ADGRG1: variants seen among roughly 807,000 people sequenced by gnomAD.
ADGRG1 encodes 7-transmembrane protein with no EGF-like N-terminal domains-1.
A neutral mutation model predicts 73.5 loss-of-function variants in ADGRG1; 53 were observed. The ratio of observed to expected loss-of-function variants is 0.72; its 90% CI spans 0.58 to 0.91. ADGRG1 has a LOEUF of 0.91. Among genes scored for constraint, ADGRG1 ranks in the 40% least tolerant of loss-of-function variants. The pLI is 0.00. For synonymous variants in ADGRG1, 394 were observed against 374.4 expected (o/e 1.05, Z -0.60); for missense variants, 795 against 871.8 (o/e 0.91, Z 1.11).
At chr16:57,646,566 C>A (rs1237510980) in intron 1 of ADGRG1, 8 of 985,314 alleles carry the variant, frequency 8.1e-6, no homozygotes, top group East Asian at 1.1e-4. Context: ...TCAGCCCCAG[C>A]ACCCTCTATC....
At chr16:57,632,723 T>TGCTTGGCA in intron 1 of ADGRG1, 3 of 940,846 alleles carry the variant, frequency 3.2e-6, no homozygotes, top group Non-Finnish European at 3.8e-6. Flanking sequence ...TCAGGCAGTT[T>TGCTTGGCA]GTGGTATGCT....
At chr16:57,641,430 C>G in intron 1 of ADGRG1, 1 of 980,328 alleles carries the variant, frequency 1.0e-6, no homozygotes, top group Non-Finnish European at 1.2e-6. Flanking sequence ...GCTGAACAGG[C>G]CTGGCACCAG....
intron 1 of ADGRG1, chr16:57,646,643 G>C (rs1465700195): frequency 2.0e-6 from 2 of 985,334 alleles, no homozygotes; most frequent in East Asian, 2.3e-4. Context: ...TAAAGCCGGG[G>C]AGTTGGGAAG....
In ADGRG1 at chr16:57,631,051, G is replaced by C. The variant is rs1198142035; in HGVS notation, c.-36+2249G>C. On this transcript the variant is annotated intron_variant, in intron 1 of 13. Transcript: ENST00000562631. ...CCCAGGCTGCAAACCCAGCAGGACG[G>C]GGAGGGCCAGGATGGGTGTTCAGTG... The C allele has an allele frequency of 5.1e-6, 5 of 985,768 alleles. No individual in the cohort carries two copies. In the African/African-American group the frequency reaches 8.7e-5, roughly 17 times the overall value. 61.1% of individuals were successfully genotyped at this position (985,768 alleles called of 1,614,324 possible). A position where few individuals can be genotyped will look rare whatever the true frequency, so the allele number is the denominator to read the frequency against.
chr16:57,657,247 T>G, intron 9 of ADGRG1, 126 bp from the exon 10 acceptor site: 6 of 1,372,028 alleles, frequency 4.4e-6, no homozygotes, highest in Non-Finnish European at 6.1e-6. Flanking sequence ...TTCTGCTCAG[T>G]TGGGAGAGGG....
chr16:57,629,799 G>A (rs761880242), intron 1 of ADGRG1, among the ~76,000 whole-genome samples: 7 of 152,124 alleles, frequency 4.6e-5, no homozygotes, highest in Non-Finnish European at 1.0e-4. Flanking sequence ...TGGTCCCCGC[G>A]GGGGCTGGGA....
chr16:57,652,163 G>A (rs1482404965), intron 3 of ADGRG1: 48 of 1,005,714 alleles, frequency 4.8e-5, no homozygotes, highest in Admixed American at 5.1e-5. Flanking sequence ...AGAGGTCAAA[G>A]GTCAGGAAAG....
chr16:57,629,698 C>T (rs76881270), intron 1 of ADGRG1, among the ~76,000 whole-genome samples: 2,664 of 152,244 alleles, frequency 0.017, 72 homozygotes, highest in African/African-American at 0.06. Context: ...GACAGGCAGA[C>T]GGGGAAGCGC....
chr16:57,636,481 G>A lies in ADGRG1; in HGVS notation c.-36+7679G>A, dbSNP rs370937701. The stretch of plus-strand genomic sequence containing the variant: ...GGAACCGTTCTCTGGCCAAGCAGCC[G>A]GCAGAGGTGTGTGTGCTCCTGATCC... On this transcript the variant is annotated intron_variant, in intron 1 of 13. Transcript: ENST00000562631. 45 of 985,308 alleles carry A rather than the reference G, an allele frequency of 4.6e-5. 1 individual carries two copies. In the East Asian group the frequency reaches 1.5e-3, roughly 32 times the overall value. 61.0% of individuals were successfully genotyped at this position (985,308 alleles called of 1,614,324 possible). A position where few individuals can be genotyped will look rare whatever the true frequency, so the allele number is the denominator to read the frequency against.
chr16:57,663,498 G>C lies in ADGRG1; in HGVS notation c.1980G>C (p.Arg660=). The change falls in exon 14 of 14, where the codon CGG becomes CGC. Residue 660 remains arginine (R), a synonymous_variant. Coordinates refer to ENST00000562631, the MANE Select transcript of ADGRG1 (RefSeq NM_201525.4). ...ACTGGTCCATGCGGCTGCAGGCCCGGGGTGGCCCCTCCCCTCTGAAGAGCA... is the reference window on the plus strand; with the variant it reads ...ACTGGTCCATGCGGCTGCAGGCCCGCGGTGGCCCCTCCCCTCTGAAGAGCA... ...IWYWSMRLQA[R]GGPSPLKSNS... The C allele has an allele frequency of 6.2e-7, 1 of 1,613,988 alleles. No individual in the cohort carries two copies. The highest frequency in any genetic ancestry group is 1.1e-5 in the South Asian group (1 of 91,086).
At chr16:57,634,596 G>A (rs547545462) in intron 1 of ADGRG1, 6 of 466,668 alleles carry the variant, frequency 1.3e-5, no homozygotes, top group Admixed American at 6.4e-5. Context: ...AGCAGAGCCC[G>A]AACCCAGTCT....
Position 57,634,183 on chromosome 16 carries a change from G to C in ADGRG1, c.-36+5381G>C, listed in dbSNP as rs371128781. ...CCCCTGGGAGCTAGGCTGAGCAGCTGACCCCTTCTGGGTCCTTGGCTGAGT... is the reference window on the plus strand; with the variant it reads ...CCCCTGGGAGCTAGGCTGAGCAGCTCACCCCTTCTGGGTCCTTGGCTGAGT... On this transcript the variant is annotated intron_variant, in intron 1 of 13. Coordinates refer to ENST00000562631, the MANE Select transcript of ADGRG1 (RefSeq NM_201525.4). 8 of 985,254 alleles carry C rather than the reference G, an allele frequency of 8.1e-6. No homozygotes were observed. The East Asian group carries it at 6.8e-4, about 84-fold the overall frequency. 61.0% of individuals were successfully genotyped at this position (985,254 alleles called of 1,614,324 possible).
upstream of ADGRG1, chr16:57,627,426 C>G (rs1460901623): frequency 1.3e-5 from 2 of 152,362 alleles, no homozygotes; most frequent in Non-Finnish European, 2.9e-5. Flanking sequence ...GCCATCCCAA[C>G]TCGGGCACCT....
chr16:57,623,602 C>G (rs778466616), upstream of ADGRG1, among the ~76,000 whole-genome samples: 1 of 152,250 alleles, frequency 6.6e-6, no homozygotes, highest in Non-Finnish European at 1.5e-5. Flanking sequence ...TTGCTTCCCC[C>G]GCATCTTGGC....
rs771915499 is a variant in ADGRG1 at position 57,663,567 on chromosome 16, G to T, written c.2049G>T (p.Ser683=). 2.5e-6 allele frequency: 4 copies of T among 1,613,464 alleles called. No individual in the cohort carries two copies. Among genetic ancestry groups the T allele is most frequent in the Non-Finnish European group, 3.4e-6 (4 of 1,180,006 alleles). ...ARLPISSGST[S]SSRI ...TCCCCATCAGCTCGGGCAGCACCTCGTCCAGCCGCATCTAGGCCTCCAGCC... is the reference window on the plus strand; with the variant it reads ...TCCCCATCAGCTCGGGCAGCACCTCTTCCAGCCGCATCTAGGCCTCCAGCC... Residue 683 remains serine (S), a synonymous_variant, in exon 14 of 14, where the codon TCG becomes TCT. Transcript: ENST00000562631.
In ADGRG1 at chr16:57,663,789, C is replaced by T; in HGVS notation, c.*207C>T. 3.2e-6 allele frequency: 2 copies of T among 625,408 alleles called. No homozygotes were observed. Among genetic ancestry groups the T allele is most frequent in the South Asian group, 1.9e-5 (1 of 53,650 alleles). The allele number at this position is 625,408 out of a possible 1,614,324, so 38.7% of individuals were successfully genotyped here. A position where few individuals can be genotyped will look rare whatever the true frequency, so the allele number is the denominator to read the frequency against. On this transcript the variant is annotated 3_prime_UTR_variant, in exon 14 of 14. Coordinates refer to ENST00000562631, the MANE Select transcript of ADGRG1 (RefSeq NM_201525.4). ...CCTTGGGGACTACTCGGCTCTCACTCAGCTCCCACGGGACTCAGAAGTGCG... is the reference window on the plus strand; with the variant it reads ...CCTTGGGGACTACTCGGCTCTCACTTAGCTCCCACGGGACTCAGAAGTGCG...
rs1208241526 is a variant in ADGRG1, at chr16:57,655,918, A to G, written c.943A>G (p.Ile315Val). 2 of 1,613,966 alleles carry G rather than the reference A, an allele frequency of 1.2e-6. No individual in the cohort carries two copies. The highest frequency in any genetic ancestry group is 1.7e-6 in the Non-Finnish European group (2 of 1,180,022). The change falls in exon 7 of 14, where the codon ATT becomes GTT. Residue 315 changes from isoleucine to valine, a missense_variant. Physicochemically the swap from Ile to Val is conservative, Grantham distance 29 (BLOSUM62 3). Transcript: ENST00000562631. Reference protein sequence around the residue: ...SQVLGEKVLGIVVQNTKVANL... With the variant: ...SQVLGEKVLGVVVQNTKVANL... ...AGTCCTGGGTGAGAAGGTCTTGGGGATTGTGGTACAGAACACCAAAGTAGC... is the reference window on the plus strand; with the variant it reads ...AGTCCTGGGTGAGAAGGTCTTGGGGGTTGTGGTACAGAACACCAAAGTAGC...
intron 1 of ADGRG1, chr16:57,635,438 C>T (rs1348548712): frequency 2.8e-5 from 28 of 985,302 alleles, no homozygotes; most frequent in Non-Finnish European, 3.1e-5. Flanking sequence ...GTGCAGCACC[C>T]TTGCCAGCCA....
At chr16:57,641,639 C>A in intron 1 of ADGRG1, 1 of 772,544 alleles carries the variant, frequency 1.3e-6, no homozygotes, top group Non-Finnish European at 1.6e-6. Context: ...GATCTTGGCT[C>A]ATCGTAACCT....
Sources: allele counts gnomAD v4.1 joint callset (sites outside exome capture counted in the v4.1 genomes callset), GRCh38; gene constraint gnomAD v4.1.1; transcripts MANE v1.5; gene names NCBI Gene and HGNC (gene_info 2026-07-23, HGNC 2026-07-21).